Variants in ARFIP2 observed in about 807,000 individuals in gnomAD.
The protein encoded by ARFIP2 is ARF interacting protein 2.
ARFIP2 carries 14 observed loss-of-function variants against 39.2 expected under a neutral mutation model. The observed-to-expected ratio is 0.36, with a 90% confidence interval of 0.24 to 0.56. The LOEUF (loss-of-function observed/expected upper bound fraction) is 0.56, where lower values mean the gene tolerates loss of function less well. ARFIP2 is among the 20% of genes least tolerant of loss of function. The pLI, the probability that ARFIP2 is intolerant of heterozygous loss-of-function variation, is 0.85. For missense variants in ARFIP2, 305 were observed against 422.5 expected (o/e 0.72, Z 2.44); for synonymous variants, 167 against 172.4 (o/e 0.97, Z 0.24).
rs374345673 is a variant in ARFIP2, at chr11:6,477,181, G to A, written c.958C>T (p.Leu320=). The A allele has an allele frequency of 1.2e-6, 2 of 1,612,868 alleles. No individual in the cohort carries two copies. Among genetic ancestry groups the A allele is most frequent in the African/African-American group, 2.7e-5 (2 of 75,056 alleles). ...CGCAGCTTGATGTTGAACTGCTGCAGGGTCTGCTCCAGCTGTTTCTGGTTC... is the reference window on the plus strand; with the variant it reads ...CGCAGCTTGATGTTGAACTGCTGCAAGGTCTGCTCCAGCTGTTTCTGGTTC... ...AGNQKQLEQT[L]QQFNIKLRPP... is the part of the protein sequence containing the mutation. Residue 320 remains leucine, a synonymous_variant, in exon 8 of 8, where the codon CTG becomes TTG. Coordinates refer to ENST00000396777, the MANE Select transcript of ARFIP2 (RefSeq NM_001376558.2). The surrounding 1 kb of genome is among the most constrained non-coding windows in gnomAD (Gnocchi z 4.8).
In ARFIP2 at chr11:6,477,570, G is replaced by C; in HGVS notation, c.870+148C>G. The C allele has an allele frequency of 1.1e-6, 1 of 911,500 alleles. No individual in the cohort carries two copies. Among genetic ancestry groups the C allele is most frequent in the Non-Finnish European group, 1.6e-6 (1 of 618,374 alleles). The allele number at this position is 911,500 out of a possible 1,614,324, so 56.5% of individuals were successfully genotyped here. Reference sequence around the variant, plus strand: ...AAGGGCCAGGAATTGGAGGGAGGGTGATCTGGAAAGGCCCAGGGGTTGAGG... The same window carrying C: ...AAGGGCCAGGAATTGGAGGGAGGGTCATCTGGAAAGGCCCAGGGGTTGAGG... On this transcript the variant is annotated intron_variant, in intron 7 of 7. Coordinates refer to ENST00000396777, the MANE Select transcript of ARFIP2 (RefSeq NM_001376558.2). This position sits in a 1 kb window ranked among gnomAD's most constrained non-coding sequence, Gnocchi z 4.8.
rs1802921 is a variant in ARFIP2, at chr11:6,476,654, C to T, written c.*459G>A. ...CAATGGGGCTCCCCATTATCCCCAC[C>T]CCTTTGGTCCCAGTCCCCTTCTCTG... On this transcript the variant is annotated 3_prime_UTR_variant, in exon 8 of 8. Coordinates refer to ENST00000396777, the MANE Select transcript of ARFIP2 (RefSeq NM_001376558.2). 2 of 160,542 alleles carry T rather than the reference C, an allele frequency of 1.2e-5. No individual in the cohort carries two copies. The highest frequency in any genetic ancestry group is 1.2e-4 in the Admixed American group (2 of 17,154). 9.9% of individuals were successfully genotyped at this position (160,542 alleles called of 1,614,324 possible). A position where few individuals can be genotyped will look rare whatever the true frequency, so the allele number is the denominator to read the frequency against.
chr11:6,477,843 G>T lies in ARFIP2; in HGVS notation c.745C>A (p.Pro249Thr). Residue 249 changes from proline to threonine, a missense_variant, in exon 7 of 8, where the codon CCC becomes ACC. Pro to Thr is a conservative substitution (Grantham distance 38, BLOSUM62 -1). Transcript: ENST00000396777. The surrounding 1 kb of genome is among the most constrained non-coding windows in gnomAD (Gnocchi z 4.8). ...CGACCACGTGTCCCTGCATCCCGGG[G>T]GCCTAGACTCAGCTCCTCTAAGTCT... is the stretch of plus-strand genomic sequence containing the variant. ...RTDLEELSLG[P>T]RDAGTRGRLE... 6.2e-7 allele frequency: 1 copy of T among 1,613,880 alleles called. No homozygotes were observed. Among genetic ancestry groups the T allele is most frequent in the Non-Finnish European group, 8.5e-7 (1 of 1,179,950 alleles).
Position 6,479,022 on chromosome 11 carries a change from A to AC in ARFIP2, c.316-64dup, listed in dbSNP as rs1851429324. On this transcript the variant is annotated intron_variant, in intron 4 of 7. Transcript: ENST00000396777. ...CAGCCTCCCCACACAACAGGTATCTACCCCAGCACCCCCCAGGCTCCTACT... is the reference window on the plus strand; with the variant it reads ...CAGCCTCCCCACACAACAGGTATCTACCCCCAGCACCCCCCAGGCTCCTACT... 16 of 1,584,736 alleles carry AC rather than the reference A, an allele frequency of 1.0e-5. 1 individual carries two copies. In the South Asian group the frequency reaches 1.2e-4, roughly 12 times the overall value.
chr11:6,478,282 G>T lies in ARFIP2; in HGVS notation c.538-84C>A. On this transcript the variant is annotated intron_variant, in intron 5 of 7. Transcript: ENST00000396777. The surrounding 1 kb of genome is among the most constrained non-coding windows in gnomAD (Gnocchi z 4.8). The stretch of plus-strand genomic sequence containing the variant: ...AGAGCCCTTCATTCCCCTCCTCCCC[G>T]GGGAGGACACAGCCAGCAAAACTGG... 6.6e-7 allele frequency: 1 copy of T among 1,521,982 alleles called. No homozygotes were observed. Among genetic ancestry groups the T allele is most frequent in the Non-Finnish European group, 9.0e-7 (1 of 1,113,514 alleles). 94.3% of individuals were successfully genotyped at this position (1,521,982 alleles called of 1,614,324 possible). A position where few individuals can be genotyped will look rare whatever the true frequency, so the allele number is the denominator to read the frequency against.
chr11:6,480,177 A>G, intron 2 of ARFIP2, 109 bp from the exon 3 acceptor site: 1 of 1,274,586 alleles, frequency 7.8e-7, no homozygotes, highest in Non-Finnish European at 1.1e-6. Flanking sequence ...ACACAAGGGA[A>G]GTCTGCACAG....
In ARFIP2 at chr11:6,480,084, G is replaced by C; in HGVS notation, c.100-16C>G. 1.2e-6 allele frequency: 2 copies of C among 1,607,670 alleles called. No homozygotes were observed. The highest frequency in any genetic ancestry group is 2.2e-5 in the South Asian group (2 of 90,292). ...GCTGGAGGTCCTATAGGCCAGAGAA[G>C]AGGGGTTGCTTCAGGAACATAGGGG... On this transcript the variant is annotated splice_polypyrimidine_tract_variant and intron_variant, in intron 2 of 7. Transcript: ENST00000396777.
rs1358037884 is a variant in ARFIP2 at position 6,480,449 on chromosome 11, C to T, written c.-28G>A. Reference sequence around the variant, plus strand: ...CTAGGAAAGGTATTGGAGTAAAACTCTCCACCCCAGCACCCTGCAAAGCCC... The same window carrying T: ...CTAGGAAAGGTATTGGAGTAAAACTTTCCACCCCAGCACCCTGCAAAGCCC... On this transcript the variant is annotated 5_prime_UTR_variant, in exon 2 of 8. Transcript: ENST00000396777. 1 of 1,571,152 alleles carries T rather than the reference C, an allele frequency of 6.4e-7. No homozygotes were observed. The highest frequency in any genetic ancestry group is 8.7e-7 in the Non-Finnish European group (1 of 1,154,290).
At position 6,477,496 on chromosome 11, in the gene ARFIP2, T is replaced by C. The variant is rs1036521532; in HGVS notation, c.870+222A>G. Among the ~76,000 whole-genome samples the C allele has an allele frequency of 6.6e-6, 1 of 151,982 alleles. No individual in the cohort carries two copies. The highest frequency in any genetic ancestry group is 1.5e-5 in the Non-Finnish European group (1 of 68,006). On this transcript the variant is annotated intron_variant, in intron 7 of 7. Coordinates refer to ENST00000396777, the MANE Select transcript of ARFIP2 (RefSeq NM_001376558.2). This position sits in a 1 kb window ranked among gnomAD's most constrained non-coding sequence, Gnocchi z 4.8. ...TTTTGTACCCCAGCTCAGGGGGTGA[T>C]TTTTCCCAGTTATGTTCCTGGGACC...
chr11:6,479,285 G>C, intron 3 of ARFIP2, 27 bp from the exon 4 acceptor site: 1 of 1,613,814 alleles, frequency 6.2e-7, no homozygotes, highest in Non-Finnish European at 8.5e-7. Flanking sequence ...TCTGACACCA[G>C]CCTCTCTCAG....
chr11:6,478,665 G>C lies in ARFIP2; in HGVS notation c.537+73C>G. On this transcript the variant is annotated intron_variant, in intron 5 of 7. Transcript: ENST00000396777. This position sits in a 1 kb window ranked among gnomAD's most constrained non-coding sequence, Gnocchi z 4.8. ...TTCTCCCTGTGGGCTGCAGGAGGGA[G>C]GGAGGATGAGGAATGACTGCCTGGG... 1 of 1,542,454 alleles carries C rather than the reference G, an allele frequency of 6.5e-7. No homozygotes were observed.
chr11:6,480,607 C>T, intron 1 of ARFIP2, 144 bp from the exon 2 acceptor site: 1 of 543,448 alleles, frequency 1.8e-6, no homozygotes, highest in Non-Finnish European at 3.2e-6. Flanking sequence ...ATATGTATTT[C>T]TCCCCTCCAA....
rs1367967259 is a variant in ARFIP2 at position 6,478,547 on chromosome 11, AC to A, written c.537+190del. ...AGGCACCTAGTGTGCCCCCTCCCCCACCCCCTCCAACTTCTGGACCTCTGTA... is the reference window on the plus strand; with the variant it reads ...AGGCACCTAGTGTGCCCCCTCCCCCACCCCTCCAACTTCTGGACCTCTGTA... On this transcript the variant is annotated intron_variant, in intron 5 of 7. Transcript: ENST00000396777. The surrounding 1 kb of genome is among the most constrained non-coding windows in gnomAD (Gnocchi z 4.8). 7 of 1,272,514 alleles carry A rather than the reference AC, an allele frequency of 5.5e-6. No individual in the cohort carries two copies. The highest frequency in any genetic ancestry group is 3.2e-5 in the Admixed American group (1 of 31,544). 78.8% of individuals were successfully genotyped at this position (1,272,514 alleles called of 1,614,324 possible).
At position 6,477,705 on chromosome 11, in the gene ARFIP2, G is replaced by A. The variant is rs908916894; in HGVS notation, c.870+13C>T. 1 of 1,612,938 alleles carries A rather than the reference G, an allele frequency of 6.2e-7. No homozygotes were observed. The highest frequency in any genetic ancestry group is 8.5e-7 in the Non-Finnish European group (1 of 1,179,376). On this transcript the variant is annotated intron_variant, in intron 7 of 7. Coordinates refer to ENST00000396777, the MANE Select transcript of ARFIP2 (RefSeq NM_001376558.2). This position sits in a 1 kb window ranked among gnomAD's most constrained non-coding sequence, Gnocchi z 4.8. The stretch of plus-strand genomic sequence containing the variant: ...GGAAAGGTGGGCTAGGGTCAAGGGG[G>A]TGGGGTTGGCACCTTGTTTTCTTCC...
rs1851651562 is a variant in ARFIP2 at position 6,480,699 on chromosome 11, C to A, written c.-42-236G>T. 13 of 358,950 alleles carry A rather than the reference C, an allele frequency of 3.6e-5. No individual in the cohort carries two copies. The South Asian group carries it at 5.2e-4, about 14-fold the overall frequency. 22.2% of individuals were successfully genotyped at this position (358,950 alleles called of 1,614,324 possible). ...CTCACCAGGACTCTGGTGATTATTTCTACACTCATTCAGCAGACATTTAGT... is the reference window on the plus strand; with the variant it reads ...CTCACCAGGACTCTGGTGATTATTTATACACTCATTCAGCAGACATTTAGT... On this transcript the variant is annotated intron_variant, in intron 1 of 7. Coordinates refer to ENST00000396777, the MANE Select transcript of ARFIP2 (RefSeq NM_001376558.2).
chr11:6,479,293 C>T lies in ARFIP2; in HGVS notation c.197-35G>A, dbSNP rs1284787362. 4 of 1,613,696 alleles carry T rather than the reference C, an allele frequency of 2.5e-6. No individual in the cohort carries two copies. In the Admixed American group the frequency reaches 6.7e-5, roughly 27 times the overall value. On this transcript the variant is annotated intron_variant, in intron 3 of 7. Coordinates refer to ENST00000396777, the MANE Select transcript of ARFIP2 (RefSeq NM_001376558.2). ...CAAGTTCTCTGACACCAGCCTCTCT[C>T]AGATACACCAGACACCTCTGTGGCC...
chr11:6,477,700 AG>A lies in ARFIP2; in HGVS notation c.870+17del. 1.2e-6 allele frequency: 2 copies of A among 1,612,282 alleles called. No homozygotes were observed. Among genetic ancestry groups the A allele is most frequent in the South Asian group, 1.1e-5 (1 of 90,894 alleles). On this transcript the variant is annotated intron_variant, in intron 7 of 7. Coordinates refer to ENST00000396777, the MANE Select transcript of ARFIP2 (RefSeq NM_001376558.2). This position sits in a 1 kb window ranked among gnomAD's most constrained non-coding sequence, Gnocchi z 4.8. Reference sequence around the variant, plus strand: ...CAGATGGAAAGGTGGGCTAGGGTCAAGGGGGTGGGGTTGGCACCTTGTTTTC... The same window carrying A: ...CAGATGGAAAGGTGGGCTAGGGTCAAGGGGTGGGGTTGGCACCTTGTTTTC...
In ARFIP2 at chr11:6,478,546, C is replaced by T; in HGVS notation, c.537+192G>A. 1 of 1,431,376 alleles carries T rather than the reference C, an allele frequency of 7.0e-7. No homozygotes were observed. The highest frequency in any genetic ancestry group is 9.1e-7 in the Non-Finnish European group (1 of 1,095,302). The allele number at this position is 1,431,376 out of a possible 1,614,324, so 88.7% of individuals were successfully genotyped here. A position where few individuals can be genotyped will look rare whatever the true frequency, so the allele number is the denominator to read the frequency against. ...GAGGCACCTAGTGTGCCCCCTCCCC[C>T]ACCCCCTCCAACTTCTGGACCTCTG... is the stretch of plus-strand genomic sequence containing the variant. On this transcript the variant is annotated intron_variant, in intron 5 of 7. Transcript: ENST00000396777. The surrounding 1 kb of genome is among the most constrained non-coding windows in gnomAD (Gnocchi z 4.8).
In ARFIP2 at chr11:6,477,469, GT is replaced by G. The variant is rs1851202562; in HGVS notation, c.871-202del. ...ACCTCACTGGATTTGTGGGCCTAGG[GT>G]TTTTGTACCCCAGCTCAGGGGGTGA... is the stretch of plus-strand genomic sequence containing the variant. On this transcript the variant is annotated intron_variant, in intron 7 of 7. Transcript: ENST00000396777. The surrounding 1 kb of genome is among the most constrained non-coding windows in gnomAD (Gnocchi z 4.8). Among the ~76,000 whole-genome samples, 1 of 152,108 alleles carries G rather than the reference GT, an allele frequency of 6.6e-6. No individual in the cohort carries two copies. The highest frequency in any genetic ancestry group is 2.1e-4 in the South Asian group (1 of 4,824).
Sources: allele counts gnomAD v4.1 joint callset (sites outside exome capture counted in the v4.1 genomes callset), GRCh38; gene constraint gnomAD v4.1.1; non-coding constraint Gnocchi (gnomAD v3.1); transcripts MANE v1.5; gene names NCBI Gene and HGNC (gene_info 2026-07-23, HGNC 2026-07-21).